The following RAI14 variants were observed in gnomAD, a reference collection of about 807,000 sequenced individuals.
The protein encoded by RAI14 is ankycorbin.
Under a neutral mutation model 115.4 loss-of-function variants are expected in RAI14, and 45 were observed. The observed-to-expected ratio is 0.39, with a 90% CI of 0.31 to 0.50. The LOEUF is 0.50. RAI14 is among the 20% of genes least tolerant of loss of function. The probability of loss-of-function intolerance (pLI) is 0.85; values close to 1 mark genes in which losing one functional copy is unlikely to be tolerated. For missense variants in RAI14, 939 were observed against 1,131.2 expected (o/e 0.83, Z 2.44); for synonymous variants, 371 against 415.4 (o/e 0.89, Z 1.30).
intron 15 of RAI14, 141 bp downstream of exon 15, chr5:34,824,632 A>G (rs1317791669): frequency 2.8e-6 from 2 of 708,454 alleles, no homozygotes; most frequent in Non-Finnish European, 4.3e-6. Context: ...ATCTGTCACC[A>G]AAGCCACATT....
chr5:34,816,961 C>T (rs2072765709), intron 12 of RAI14, among the ~76,000 whole-genome samples: 1 of 151,944 alleles, frequency 6.6e-6, no homozygotes, highest in Admixed American at 6.6e-5. Flanking sequence ...CCTACGTTAG[C>T]TTAGGGAGGA....
intron 2 of RAI14, among the ~76,000 whole-genome samples, chr5:34,725,867 C>T (rs1285553956): frequency 6.8e-6 from 1 of 148,070 alleles, no homozygotes; most frequent in African/African-American, 2.5e-5. Flanking sequence ...GAGGCTGAGG[C>T]AGGAGAATCG....
intron 2 of RAI14, among the ~76,000 whole-genome samples, chr5:34,718,997 T>C (rs1035150174): frequency 6.6e-6 from 1 of 152,228 alleles, no homozygotes; most frequent in African/African-American, 2.4e-5. Flanking sequence ...GTACTGTATG[T>C]TCTAGTTAGT....
intron 6 of RAI14, 104 bp from the exon 7 acceptor site, chr5:34,808,480 G>A (rs1755183698): frequency 2.0e-6 from 2 of 1,006,778 alleles, no homozygotes; most frequent in Non-Finnish European, 3.1e-6. Flanking sequence ...GTGAATATAT[G>A]TAGAGTGGGT....
intron 3 of RAI14, among the ~76,000 whole-genome samples, chr5:34,787,893 A>ATTTGTTTTT (rs1752488549): frequency 4.0e-5 from 1 of 25,090 alleles, no homozygotes; most frequent in Admixed American, 6.7e-4. Context: ...GATACTACTG[A>ATTTGTTTTT]TTTTTTTTTT....
chr5:34,769,993 T>G (rs1301058601), intron 3 of RAI14, among the ~76,000 whole-genome samples: 1 of 152,306 alleles, frequency 6.6e-6, no homozygotes, highest in East Asian at 1.9e-4. Context: ...CCTCCCCAAG[T>G]GCTAGGATTA....
intron 3 of RAI14, among the ~76,000 whole-genome samples, chr5:34,788,621 C>A (rs1752585293): frequency 6.6e-6 from 1 of 152,106 alleles, no homozygotes; most frequent in Admixed American, 6.5e-5. Flanking sequence ...ATAGAAATAT[C>A]AAAATGATAC....
At chr5:34,803,447 C>T (rs966131752) in intron 4 of RAI14, among the ~76,000 whole-genome samples, 1 of 152,070 alleles carries the variant, frequency 6.6e-6, no homozygotes, top group Non-Finnish European at 1.5e-5. Context: ...CTCCCAGCAA[C>T]TTGGGAGGCT....
At chr5:34,687,997 A>G in intron 2 of RAI14, 1 of 1,267,810 alleles carries the variant, frequency 7.9e-7, no homozygotes, top group Non-Finnish European at 1.1e-6. Flanking sequence ...TGATGGTAAA[A>G]TACCGACCCA....
intron 1 of RAI14, among the ~76,000 whole-genome samples, chr5:34,675,805 G>C (rs1186175751): frequency 6.6e-6 from 1 of 151,748 alleles, no homozygotes; most frequent in Non-Finnish European, 1.5e-5. Flanking sequence ...GGTCTTTTCT[G>C]TCTGACTTTC....
intron 2 of RAI14, among the ~76,000 whole-genome samples, chr5:34,701,005 G>A (rs1488701524): frequency 2.6e-5 from 4 of 152,156 alleles, no homozygotes; most frequent in African/African-American, 9.7e-5. Context: ...CTCCTTACCA[G>A]AAACATAAGA....
At chr5:34,728,174 G>A (rs72730545) in intron 2 of RAI14, among the ~76,000 whole-genome samples, 4,971 of 152,236 alleles carry the variant, frequency 0.033, 110 homozygotes, top group South Asian at 0.07. Context: ...TTTACTCAAT[G>A]TCTGTACCCC....
chr5:34,812,098 T>C, intron 9 of RAI14, 82 bp from the exon 10 acceptor site: 3 of 1,340,234 alleles, frequency 2.2e-6, no homozygotes, highest in Non-Finnish European at 3.1e-6. Flanking sequence ...GTATATGGTG[T>C]ATGTGTGTGT....
At chr5:34,746,893 T>C (rs1185577978) in intron 2 of RAI14, among the ~76,000 whole-genome samples, 1 of 152,204 alleles carries the variant, frequency 6.6e-6, no homozygotes, top group Non-Finnish European at 1.5e-5. Flanking sequence ...TGGTCTTTCC[T>C]GTGCTATTCT....
chr5:34,763,837 CA>C lies in RAI14; in HGVS notation c.167+6240del, dbSNP rs369262901. On this transcript the variant is annotated intron_variant, in intron 3 of 17. Coordinates refer to ENST00000265109, the MANE Select transcript of RAI14 (RefSeq NM_015577.3). Reference sequence around the variant, plus strand: ...AATGGGGTTCAGGTAACAGCATGAACAGAGGCCACCCTAAATTGATTGTTTT... The same window carrying C: ...AATGGGGTTCAGGTAACAGCATGAACGAGGCCACCCTAAATTGATTGTTTT... Among the ~76,000 whole-genome samples the C allele has an allele frequency of 7.0e-3, 1,064 of 152,238 alleles. 9 individuals carry two copies. Among genetic ancestry groups the C allele is most frequent in the African/African-American group, 0.018 (747 of 41,544 alleles).
chr5:34,688,417 T>A (rs1738139607), intron 2 of RAI14: 1 of 566,780 alleles, frequency 1.8e-6, no homozygotes. Context: ...CATATATATA[T>A]GAACAGGGGC....
chr5:34,750,753 T>C (rs1347968683), intron 2 of RAI14, among the ~76,000 whole-genome samples: 1 of 151,844 alleles, frequency 6.6e-6, no homozygotes, highest in African/African-American at 2.4e-5. Context: ...AGTCCCAGAA[T>C]GGCCCCGGGT....
chr5:34,780,345 A>G (rs1751453952), intron 3 of RAI14, among the ~76,000 whole-genome samples: 1 of 152,348 alleles, frequency 6.6e-6, no homozygotes, highest in East Asian at 1.9e-4. Context: ...ACCAAAAGCA[A>G]TGGCAACAAA....
At chr5:34,705,609 A>T (rs570539966) in intron 2 of RAI14, among the ~76,000 whole-genome samples, 1 of 152,138 alleles carries the variant, frequency 6.6e-6, no homozygotes, top group African/African-American at 2.4e-5. Context: ...GCCCCCCTGC[A>T]TTTGCCTTTG....
Sources: gnomAD v4.1 joint callset for allele counts (sites outside exome capture counted in the v4.1 genomes callset) on GRCh38, gnomAD v4.1.1 for gene constraint, MANE v1.5 for transcripts, NCBI Gene and HGNC (gene_info 2026-07-23, HGNC 2026-07-21) for gene names.